Variants in CAMK2D observed in about 807,000 individuals in gnomAD.
The protein encoded by CAMK2D is calcium/calmodulin-dependent protein kinase type II subunit delta.
A neutral mutation model predicts 84.0 loss-of-function variants in CAMK2D; 37 were observed. That is an observed-to-expected ratio of 0.44 (90% CI 0.34 to 0.58). The LOEUF (loss-of-function observed/expected upper bound fraction) is 0.58. Among genes scored for constraint, CAMK2D ranks in the 20% least tolerant of loss-of-function variants. The pLI is 0.02. For synonymous variants in CAMK2D, 202 were observed against 212.5 expected (o/e 0.95, Z 0.43); for missense variants, 448 against 652.5 (o/e 0.69, Z 3.41).
At chr4:113,526,402 G>C (rs1314305156) in intron 8 of CAMK2D, among the ~76,000 whole-genome samples, 1 of 132,352 alleles carries the variant, frequency 7.6e-6, no homozygotes, top group Non-Finnish European at 1.6e-5. Context: ...AGTTTCTAAG[G>C]AGTCATTCTT....
chr4:113,558,337 C>G (rs957322450), intron 4 of CAMK2D, among the ~76,000 whole-genome samples: 1 of 152,076 alleles, frequency 6.6e-6, no homozygotes, highest in African/African-American at 2.4e-5. Context: ...TTTTTATTGG[C>G]CCCAATATTT....
At chr4:113,593,951 C>G (rs2098908759) in intron 4 of CAMK2D, among the ~76,000 whole-genome samples, 1 of 151,884 alleles carries the variant, frequency 6.6e-6, no homozygotes, top group Non-Finnish European at 1.5e-5. Flanking sequence ...TTAGTCCATT[C>G]TCACATTGCT....
Position 113,597,680 on chromosome 4 carries a change from A to G in CAMK2D, c.275+11472T>C, listed in dbSNP as rs570201991. ...AATAGCACTTGCAATTTCCTTCAAGAACTTTTCCTTTGCATTCACAACTCA... is the reference window on the plus strand; with the variant it reads ...AATAGCACTTGCAATTTCCTTCAAGGACTTTTCCTTTGCATTCACAACTCA... On this transcript the variant is annotated intron_variant, in intron 4 of 20. Transcript: ENST00000511664. Among the ~76,000 whole-genome samples the G allele has an allele frequency of 2.0e-5, 3 of 152,330 alleles. No homozygotes were observed. In the South Asian group the frequency reaches 6.2e-4, roughly 32 times the overall value.
intron 15 of CAMK2D, among the ~76,000 whole-genome samples, chr4:113,502,425 A>T (rs1271300090): frequency 6.7e-6 from 1 of 149,852 alleles, no homozygotes; most frequent in Non-Finnish European, 1.5e-5. Context: ...CAATAACAAC[A>T]TCATCACCAA....
At chr4:113,597,354 G>A (rs2098931924) in intron 4 of CAMK2D, among the ~76,000 whole-genome samples, 1 of 152,154 alleles carries the variant, frequency 6.6e-6, no homozygotes. Context: ...AGATCTTCTG[G>A]ATAAGTTACT....
chr4:113,658,248 C>T (rs1366860859), intron 3 of CAMK2D, among the ~76,000 whole-genome samples: 1 of 152,122 alleles, frequency 6.6e-6, no homozygotes, highest in Non-Finnish European at 1.5e-5. Flanking sequence ...ATAAACACAA[C>T]ACTGTCAGAT....
intron 2 of CAMK2D, among the ~76,000 whole-genome samples, chr4:113,734,549 T>G (rs1366873161): frequency 3.9e-5 from 6 of 152,198 alleles, no homozygotes; most frequent in African/African-American, 1.4e-4. Context: ...TTAACAAGTA[T>G]GTAAATCAAA....
chr4:113,602,917 T>C (rs1248447512), intron 4 of CAMK2D, among the ~76,000 whole-genome samples: 1 of 152,248 alleles, frequency 6.6e-6, no homozygotes, highest in East Asian at 1.9e-4. Context: ...TGACTGCCCA[T>C]GTTAAAGCCT....
chr4:113,708,217 G>T (rs1167228603), intron 2 of CAMK2D, among the ~76,000 whole-genome samples: 1 of 152,008 alleles, frequency 6.6e-6, no homozygotes, highest in Non-Finnish European at 1.5e-5. Context: ...CATCCAAAAG[G>T]GTCCCACATT....
At chr4:113,664,270 A>T (rs1018102209) in intron 2 of CAMK2D, among the ~76,000 whole-genome samples, 1 of 152,180 alleles carries the variant, frequency 6.6e-6, no homozygotes, top group Admixed American at 6.5e-5. Context: ...TCAGTTTTCT[A>T]TTGCTATGTG....
rs145897339 is a variant in CAMK2D at position 113,709,617 on chromosome 4, C to A, written c.161-47845G>T. On this transcript the variant is annotated intron_variant, in intron 2 of 20. Transcript: ENST00000511664. Reference sequence around the variant, plus strand: ...TTACAATCTTCCAAATTCCTATGTCCCTGGTTCCAAAGAGTCAGAAATGCC... The same window carrying A: ...TTACAATCTTCCAAATTCCTATGTCACTGGTTCCAAAGAGTCAGAAATGCC... Among the ~76,000 whole-genome samples the A allele has an allele frequency of 8.2e-3, 1,240 of 150,538 alleles. 13 individuals are homozygous for A. Among genetic ancestry groups the A allele is most frequent in the Non-Finnish European group, 0.011 (763 of 67,732 alleles).
rs2097254246 is a variant in CAMK2D at position 113,451,036 on chromosome 4, T to C, written c.*3509A>G. Reference sequence around the variant, plus strand: ...AGACCACAGAGCCATGAAAGGTTCATAGAAGTCAGTAGAATTTTATTCAAT... The same window carrying C: ...AGACCACAGAGCCATGAAAGGTTCACAGAAGTCAGTAGAATTTTATTCAAT... On this transcript the variant is annotated 3_prime_UTR_variant, in exon 21 of 21. Coordinates refer to ENST00000511664, the MANE Select transcript of CAMK2D (RefSeq NM_001321571.2). 6.6e-6 allele frequency: 1 copy of C among 152,196 alleles called. No individual in the cohort carries two copies. Among genetic ancestry groups the C allele is most frequent in the Non-Finnish European group, 1.5e-5 (1 of 68,028 alleles). The allele number at this position is 152,196 out of a possible 1,614,324, so 9.4% of individuals were successfully genotyped here.
chr4:113,596,509 T>C (rs2098927336), intron 4 of CAMK2D, among the ~76,000 whole-genome samples: 1 of 152,204 alleles, frequency 6.6e-6, no homozygotes, highest in Non-Finnish European at 1.5e-5. Context: ...GTGTTAATAA[T>C]AATACTTAAA....
At chr4:113,596,343 C>G (rs1031473920) in intron 4 of CAMK2D, among the ~76,000 whole-genome samples, 6 of 152,186 alleles carry the variant, frequency 3.9e-5, no homozygotes, top group African/African-American at 1.4e-4. Flanking sequence ...TTCTTCCAAA[C>G]TCCTGTTAAT....
chr4:113,562,588 A>G (rs1242773566), intron 4 of CAMK2D, among the ~76,000 whole-genome samples: 1 of 152,240 alleles, frequency 6.6e-6, no homozygotes, highest in Admixed American at 6.5e-5. Context: ...TAACATACGA[A>G]AGAAGGAGCA....
intron 4 of CAMK2D, among the ~76,000 whole-genome samples, chr4:113,589,661 T>G (rs1487894841): frequency 6.6e-6 from 1 of 152,126 alleles, no homozygotes; most frequent in Non-Finnish European, 1.5e-5. Context: ...GAGAACTGTT[T>G]TAGATATCTT....
intron 10 of CAMK2D, 95 bp from the exon 11 acceptor site, chr4:113,514,008 T>C: frequency 1.7e-6 from 1 of 578,532 alleles, no homozygotes; most frequent in Non-Finnish European, 3.1e-6. Context: ...TTATTAATGG[T>C]GCTGCACCTG....
At position 113,516,539 on chromosome 4, in the gene CAMK2D, TC is replaced by T. The variant is rs578258289; in HGVS notation, c.696+1023del. ...TATTGCCATGTAAATAATAATTTGT[TC>T]CAATTACTAGTCTAGGAATAATGCA... On this transcript the variant is annotated intron_variant, in intron 9 of 20. Coordinates refer to ENST00000511664, the MANE Select transcript of CAMK2D (RefSeq NM_001321571.2). Among the ~76,000 whole-genome samples the T allele has an allele frequency of 3.5e-3, 528 of 152,288 alleles. 2 individuals are homozygous for T. Among genetic ancestry groups the T allele is most frequent in the African/African-American group, 0.012 (491 of 41,548 alleles).
chr4:113,750,173 AAAG>A (rs1271644930), intron 2 of CAMK2D, among the ~76,000 whole-genome samples: 2 of 152,218 alleles, frequency 1.3e-5, no homozygotes, highest in African/African-American at 4.8e-5. Flanking sequence ...TTGAAAGGAC[AAAG>A]AAGGAGACAA....
Sources: allele counts gnomAD v4.1 joint callset (sites outside exome capture counted in the v4.1 genomes callset), GRCh38; gene constraint gnomAD v4.1.1; transcripts MANE v1.5; gene names NCBI Gene and HGNC (gene_info 2026-07-23, HGNC 2026-07-21).